The following COL12A1 variants were observed in gnomAD, a reference collection of about 807,000 sequenced individuals.
COL12A1 encodes collagen alpha-1(XII) chain.
Under a neutral mutation model 349.7 loss-of-function variants are expected in COL12A1, and 114 were observed. The ratio of observed to expected loss-of-function variants is 0.33; its 90% CI spans 0.28 to 0.38. The LOEUF (loss-of-function observed/expected upper bound fraction) is 0.38, where lower values mean the gene tolerates loss of function less well. Among genes scored for constraint, COL12A1 ranks in the 10% least tolerant of loss-of-function variants. The pLI is 1.00. For missense variants in COL12A1, 3,284 were observed against 3,756.9 expected, an observed-to-expected ratio of 0.87 and a Z score of 3.29; for synonymous variants, 1,369 against 1,329.0, an observed-to-expected ratio of 1.03 and a Z score of -0.66.
At chr6:75,166,972 A>G (rs1380380590) in intron 13 of COL12A1, among the ~76,000 whole-genome samples, 2 of 152,162 alleles carry the variant, frequency 1.3e-5, no homozygotes, top group Non-Finnish European at 2.9e-5. Context: ...TTCTAACTCC[A>G]TTATAAATAA....
At chr6:75,158,418 C>T (rs1375362347) in intron 14 of COL12A1, among the ~76,000 whole-genome samples, 1 of 152,118 alleles carries the variant, frequency 6.6e-6, no homozygotes, top group Non-Finnish European at 1.5e-5. Context: ...TCAAACCCTG[C>T]CAGACCTTAA....
Position 75,117,433 on chromosome 6 carries a change from CAA to C in COL12A1, c.7466_7467del (p.Phe2489Ter). 1 of 1,613,698 alleles carries C rather than the reference CAA, an allele frequency of 6.2e-7. No homozygotes were observed. Among genetic ancestry groups the C allele is most frequent in the Non-Finnish European group, 8.5e-7 (1 of 1,179,680 alleles). On this transcript the variant is annotated frameshift_variant, in exon 47 of 66. Coordinates refer to ENST00000322507, the MANE Select transcript of COL12A1 (RefSeq NM_004370.6). LOFTEE classifies it high-confidence loss of function. The part of the protein sequence containing the change: ...HVFIVDDFES[F>X]EKIEDNLITF... The stretch of plus-strand genomic sequence containing the variant: ...GTAATAAGATTGTCTTCGATCTTCT[CAA>C]AAGATTCAAAGTCGTCCACAATGAA...
intron 27 of COL12A1, among the ~76,000 whole-genome samples, chr6:75,140,867 T>A (rs1766856627): frequency 6.6e-6 from 1 of 152,018 alleles, no homozygotes; most frequent in African/African-American, 2.4e-5. Context: ...ACCTGTGCTG[T>A]CCATAATGGA....
Position 75,146,153 on chromosome 6 carries a change from G to A in COL12A1, c.4509C>T (p.Tyr1503=). 1 of 1,613,318 alleles carries A rather than the reference G, an allele frequency of 6.2e-7. No homozygotes were observed. Among genetic ancestry groups the A allele is most frequent in the Non-Finnish European group, 8.5e-7 (1 of 1,179,648 alleles). Residue 1503 remains tyrosine, a synonymous_variant, in exon 24 of 66, where the codon TAC becomes TAT. Coordinates refer to ENST00000322507, the MANE Select transcript of COL12A1 (RefSeq NM_004370.6). ...QWQPVGGATG[Y]ILSYKPVKDT... The stretch of plus-strand genomic sequence containing the variant: ...CCTTAACAGGTTTGTATGACAAGAT[G>A]TAGCCAGTAGCTCCTCCCACAGGCT...
intron 17 of COL12A1, among the ~76,000 whole-genome samples, chr6:75,153,265 G>T (rs1055859569): frequency 3.3e-5 from 5 of 152,056 alleles, no homozygotes; most frequent in Admixed American, 1.3e-4. Flanking sequence ...CAAATTGAGA[G>T]CTGTAAAGAT....
intron 11 of COL12A1, among the ~76,000 whole-genome samples, chr6:75,179,542 C>CAAAAA (rs58457506): frequency 0.013 from 1,431 of 112,060 alleles, 21 homozygotes; most frequent in African/African-American, 0.043. Context: ...CTAAACCATG[C>CAAAAA]AAAAAAAAAA....
At chr6:75,137,000 T>C (rs1310404172) in intron 31 of COL12A1, among the ~76,000 whole-genome samples, 1 of 152,042 alleles carries the variant, frequency 6.6e-6, no homozygotes, top group Non-Finnish European at 1.5e-5. Flanking sequence ...GAAGACACCC[T>C]ATGACATGCA....
intron 11 of COL12A1, among the ~76,000 whole-genome samples, chr6:75,180,036 C>A (rs753064367): frequency 6.6e-6 from 1 of 152,202 alleles, no homozygotes; most frequent in Non-Finnish European, 1.5e-5. Flanking sequence ...TGCCACACAC[C>A]TGTAGTCCCA....
chr6:75,125,313 C>CA (rs1765959701), intron 39 of COL12A1, 40 bp from the exon 40 acceptor site: 2 of 1,526,466 alleles, frequency 1.3e-6, no homozygotes, highest in Admixed American at 2.1e-5. Context: ...AACATGCCAT[C>CA]AATAGCATGA....
At chr6:75,095,500 C>A (rs973082291) in intron 59 of COL12A1, among the ~76,000 whole-genome samples, 1 of 151,418 alleles carries the variant, frequency 6.6e-6, no homozygotes, top group Admixed American at 6.6e-5. Flanking sequence ...GCCTGTAGTC[C>A]CAGCTACTCG....
chr6:75,156,838 T>A (rs1441074088), intron 14 of COL12A1, among the ~76,000 whole-genome samples: 1 of 152,226 alleles, frequency 6.6e-6, no homozygotes, highest in African/African-American at 2.4e-5. Flanking sequence ...GAATTTTTAT[T>A]ATATTTCCAT....
intron 59 of COL12A1, among the ~76,000 whole-genome samples, chr6:75,096,663 G>A (rs1409115666): frequency 3.3e-5 from 5 of 152,144 alleles, no homozygotes; most frequent in African/African-American, 9.7e-5. Flanking sequence ...TTGGGAGGCC[G>A]AGGCCGGCAG....
rs777386471 is a variant in COL12A1, at chr6:75,175,085, G to A, written c.2663C>T (p.Ala888Val). 5.6e-6 allele frequency: 9 copies of A among 1,614,096 alleles called. No homozygotes were observed. The highest frequency in any genetic ancestry group is 1.3e-5 in the African/African-American group (1 of 75,006). Residue 888 changes from alanine to valine, a missense_variant, in exon 13 of 66, where the codon GCG becomes GTG. Physicochemically the swap from Ala to Val is moderately conservative, Grantham distance 64. Around this residue, in one of 2 missense-constraint regions of COL12A1, gnomAD observed 2,601 missense variants for 2,824.8 expected, o/e 0.92. Transcript: ENST00000322507. ...QYALSVTALY[A>V]SGAGDALFGE... ...AAAGAGGGCGTCTCCAGCCCCAGAC[G>A]CATACAAGGCTGTCACAGATAAGGC...
At chr6:75,155,251 G>T (rs1410235780) in intron 16 of COL12A1, among the ~76,000 whole-genome samples, 1 of 152,002 alleles carries the variant, frequency 6.6e-6, no homozygotes, top group Non-Finnish European at 1.5e-5. Flanking sequence ...ACTGGAGGGG[G>T]ATTCACACTC....
At chr6:75,172,868 A>T (rs1175463728) in intron 13 of COL12A1, among the ~76,000 whole-genome samples, 1 of 152,200 alleles carries the variant, frequency 6.6e-6, no homozygotes, top group East Asian at 1.9e-4. Flanking sequence ...TATTCACAGG[A>T]TGCGAAAGCC....
rs1767517036 is a variant in COL12A1 at position 75,151,991 on chromosome 6, G to A, written c.3876C>T (p.Thr1292=). 2.5e-6 allele frequency: 4 copies of A among 1,613,702 alleles called. No individual in the cohort carries two copies. The highest frequency in any genetic ancestry group is 3.4e-6 in the Non-Finnish European group (4 of 1,179,826). The change falls in exon 20 of 66, where the codon ACC becomes ACT. Residue 1292 remains threonine (T), a synonymous_variant. Transcript: ENST00000322507. ...LNFIRQQNFR[T]QAGMRPRARK... Reference sequence around the variant, plus strand: ...GAGCTCGAGGTCTCATGCCAGCTTGGGTCCTGAAGTTCTGTTGGCGAATGA... The same window carrying A: ...GAGCTCGAGGTCTCATGCCAGCTTGAGTCCTGAAGTTCTGTTGGCGAATGA...
intron 14 of COL12A1, among the ~76,000 whole-genome samples, chr6:75,157,945 A>G (rs1202717645): frequency 6.6e-6 from 1 of 152,164 alleles, no homozygotes; most frequent in East Asian, 1.9e-4. Context: ...TTAGTCCTAA[A>G]CTGAAACAGT....
Position 75,156,376 on chromosome 6 carries a change from G to A in COL12A1, c.3131C>T (p.Pro1044Leu). ...GRGKQMVAKVPPTVTSTVLKR... is the reference protein window; with the variant it reads ...GRGKQMVAKVLPTVTSTVLKR... Reference sequence around the variant, plus strand: ...TAACACTGTCGAAGTGACTGTGGGGGGCACCTTAGCAACCATTTGCTTCCC... The same window carrying A: ...TAACACTGTCGAAGTGACTGTGGGGAGCACCTTAGCAACCATTTGCTTCCC... Residue 1044 changes from proline to leucine, a missense_variant, in exon 15 of 66, where the codon CCC becomes CTC. Pro to Leu is a moderately conservative substitution (Grantham distance 98). This residue lies in a region of COL12A1 where 2,601 missense variants were observed against 2,824.8 expected (regional missense o/e 0.92). Coordinates refer to ENST00000322507, the MANE Select transcript of COL12A1 (RefSeq NM_004370.6). The A allele has an allele frequency of 1.2e-6, 2 of 1,613,906 alleles. No individual in the cohort carries two copies. Among genetic ancestry groups the A allele is most frequent in the Non-Finnish European group, 1.7e-6 (2 of 1,179,906 alleles).
At chr6:75,112,277 C>T (rs1262807955) in intron 51 of COL12A1, among the ~76,000 whole-genome samples, 2 of 151,758 alleles carry the variant, frequency 1.3e-5, no homozygotes, top group African/African-American at 4.8e-5. Context: ...GGCTTAATAC[C>T]TGGGTGACAA....
Sources: gnomAD v4.1 joint callset for allele counts (sites outside exome capture counted in the v4.1 genomes callset) on GRCh38, gnomAD v4.1.1 for gene constraint, gnomAD v4.1.1 regional missense constraint, MANE v1.5 for transcripts, NCBI Gene and HGNC (gene_info 2026-07-23, HGNC 2026-07-21) for gene names.